The following GET1 variants were observed in gnomAD, a reference collection of about 807,000 sequenced individuals.
The protein encoded by GET1 is guided entry of tail-anchored proteins factor 1, also known as congenital heart disease 5 protein.
GET1 carries 20 observed loss-of-function variants against 22.6 expected under a neutral mutation model. The ratio of observed to expected loss-of-function variants is 0.89; its 90% CI spans 0.62 to 1.29. The LOEUF is 1.29. GET1 is among the 50% of genes most tolerant of loss of function. The probability of loss-of-function intolerance (pLI) is 0.00; values close to 1 mark genes in which losing one functional copy is unlikely to be tolerated. For synonymous variants in GET1, 92 were observed against 83.8 expected, an observed-to-expected ratio of 1.10 and a Z score of -0.53; for missense variants, 209 against 219.9, an observed-to-expected ratio of 0.95 and a Z score of 0.31.
chr21:39,406,343 G>A (rs552753921), exon 5 of GET1: 3 of 1,614,112 alleles, frequency 1.9e-6, no homozygotes, highest in Admixed American at 1.7e-5. Flanking sequence ...CTTTGTCTGA[G>A]GGGGCCTTTC....
rs1224576769 is a variant in GET1, at chr21:39,390,573, C to T, written c.103-125C>T. ...CGGCCGCAGTTTGCATTCAGTCCTG[C>T]AGGGACGCACACAACTGGCTGGGTC... On this transcript the variant is annotated intron_variant, in intron 1 of 4. Coordinates refer to ENST00000649170, the MANE Select transcript of GET1 (RefSeq NM_004627.6). The T allele has an allele frequency of 3.1e-6, 4 of 1,288,576 alleles. No homozygotes were observed. In the East Asian group the frequency reaches 1.0e-4, roughly 33 times the overall value. 79.8% of individuals were successfully genotyped at this position (1,288,576 alleles called of 1,614,324 possible). A position where few individuals can be genotyped will look rare whatever the true frequency, so the allele number is the denominator to read the frequency against.
intron 1 of GET1, chr21:39,387,811 C>T: frequency 2.0e-6 from 2 of 985,446 alleles, no homozygotes; most frequent in South Asian, 4.7e-5. Context: ...CTTCCAAGCT[C>T]TAAATGGAGA....
At chr21:39,380,803 G>A (rs1393636481) in intron 1 of GET1, 2 of 1,047,448 alleles carry the variant, frequency 1.9e-6, no homozygotes, top group East Asian at 1.6e-4. Flanking sequence ...GTTAATCCTG[G>A]TTCCTAGAGG....
chr21:39,400,712 G>T (rs896804965), downstream of GET1, among the ~76,000 whole-genome samples: 5 of 152,166 alleles, frequency 3.3e-5, no homozygotes, highest in African/African-American at 9.7e-5. Flanking sequence ...CAGGGTTCTT[G>T]TGTGGGTCGG....
At chr21:39,388,517 C>G (rs2038078924) in intron 1 of GET1, among the ~76,000 whole-genome samples, 1 of 152,158 alleles carries the variant, frequency 6.6e-6, no homozygotes. Context: ...TTGTGGGTGT[C>G]AGAGGCCAGT....
chr21:39,388,350 G>T (rs192103303), intron 1 of GET1, among the ~76,000 whole-genome samples: 1 of 152,178 alleles, frequency 6.6e-6, no homozygotes, highest in Admixed American at 6.6e-5. Flanking sequence ...ACGTTACCAC[G>T]ATCTGATCCT....
At chr21:39,390,579 C>A (rs111394087) in intron 1 of GET1, 119 bp from the exon 2 acceptor site, 1 of 1,330,978 alleles carries the variant, frequency 7.5e-7, no homozygotes, top group Admixed American at 2.4e-5. Flanking sequence ...CCTGCAGGGA[C>A]GCACACAACT....
intron 3 of GET1, chr21:39,392,949 G>A: frequency 1.9e-6 from 1 of 519,974 alleles, no homozygotes; most frequent in Non-Finnish European, 3.4e-6. Flanking sequence ...ATGCTGCTGA[G>A]CTCGTCTTTA....
At chr21:39,415,387 AAGT>A (rs1253456548) in intron 1 of GET1, among the ~76,000 whole-genome samples, 1 of 152,222 alleles carries the variant, frequency 6.6e-6, no homozygotes, top group African/African-American at 2.4e-5. Flanking sequence ...AAAAAAATAA[AAGT>A]AGAATAGTAC....
chr21:39,404,349 T>C (rs1028659184), intron 4 of GET1, among the ~76,000 whole-genome samples: 2 of 152,020 alleles, frequency 1.3e-5, no homozygotes, highest in Non-Finnish European at 2.9e-5. Context: ...ATGCAACAAA[T>C]CTCAATAAAT....
Position 39,391,853 on chromosome 21 carries a change from G to T in GET1, c.336+17G>T, listed in dbSNP as rs779821913. On this transcript the variant is annotated intron_variant, in intron 3 of 4. Coordinates refer to ENST00000649170, the MANE Select transcript of GET1 (RefSeq NM_004627.6). ...GTATTGCAGGTAAGTGTGCTAGAGC[G>T]TCAGCCGGGTCATTGGAGTTGGTGA... 2 of 1,613,870 alleles carry T rather than the reference G, an allele frequency of 1.2e-6. No homozygotes were observed. The highest frequency in any genetic ancestry group is 3.3e-5 in the Admixed American group (2 of 60,022).
At chr21:39,394,923 G>C (rs998830011) in intron 4 of GET1, among the ~76,000 whole-genome samples, 2 of 151,842 alleles carry the variant, frequency 1.3e-5, no homozygotes, top group African/African-American at 4.8e-5. Flanking sequence ...GCCCAGGCTG[G>C]CAGTGGCACC....
chr21:39,386,448 G>A (rs1047759080), intron 1 of GET1: 7 of 152,452 alleles, frequency 4.6e-5, no homozygotes, highest in Admixed American at 1.3e-4. Flanking sequence ...GGGCTCTCGT[G>A]GGGGCAGCAG....
At chr21:39,411,774 T>G (rs1381731014) in intron 1 of GET1, 3 of 1,586,606 alleles carry the variant, frequency 1.9e-6, no homozygotes, top group Non-Finnish European at 2.6e-6. Context: ...ACTATAGATG[T>G]TTTTAATTTC....
chr21:39,393,306 G>A, intron 4 of GET1, 26 bp downstream of exon 4: 1 of 1,564,086 alleles, frequency 6.4e-7, no homozygotes, highest in East Asian at 2.2e-5. Flanking sequence ...AAGATGCAGT[G>A]GAAGAGTGTG....
chr21:39,381,945 G>T (rs2037578654), intron 1 of GET1, among the ~76,000 whole-genome samples: 1 of 151,988 alleles, frequency 6.6e-6, no homozygotes, highest in Non-Finnish European at 1.5e-5. Flanking sequence ...TGCCATGTTG[G>T]CCAGGCTGGT....
chr21:39,383,580 C>T (rs1193254563), intron 1 of GET1, among the ~76,000 whole-genome samples: 3 of 150,764 alleles, frequency 2.0e-5, no homozygotes, highest in Admixed American at 2.0e-4. Flanking sequence ...CTGCACCCAG[C>T]TAATTTTTAT....
At chr21:39,398,803 A>G (rs1266984613), downstream of GET1, among the ~76,000 whole-genome samples, 1 of 151,704 alleles carries the variant, frequency 6.6e-6, no homozygotes, top group African/African-American at 2.4e-5. Context: ...TAGTAGAGAC[A>G]GGATTTGGCC....
chr21:39,411,867 A>G (rs2040139113), intron 1 of GET1: 1 of 929,648 alleles, frequency 1.1e-6, no homozygotes, highest in African/African-American at 1.7e-5. Context: ...GATTTCTTTT[A>G]AAAACAATTT....
Sources: gnomAD v4.1 joint callset for allele counts (sites outside exome capture counted in the v4.1 genomes callset) on GRCh38, gnomAD v4.1.1 for gene constraint, MANE v1.5 for transcripts, NCBI Gene and HGNC (gene_info 2026-07-23, HGNC 2026-07-21) for gene names.